Variants in SEC24D observed in about 807,000 individuals in gnomAD.
SEC24D encodes the protein SEC24 homolog D, COPII component.
Under a neutral mutation model 116.9 loss-of-function variants are expected in SEC24D, and 69 were observed. That is an observed-to-expected ratio of 0.59 (90% CI 0.49 to 0.72). The LOEUF (loss-of-function observed/expected upper bound fraction) is 0.72, where lower values mean the gene tolerates loss of function less well. Ranked by LOEUF, SEC24D falls within the 30% of genes least tolerant of loss-of-function variation. The pLI is 0.00. For missense variants in SEC24D, 1,131 were observed against 1,264.1 expected, an observed-to-expected ratio of 0.89 and a Z score of 1.60; for synonymous variants, 405 against 442.8, an observed-to-expected ratio of 0.91 and a Z score of 1.07.
At chr4:118,735,767 C>T (rs1043945952) in intron 19 of SEC24D, 1 of 150,558 alleles carries the variant, frequency 6.6e-6, no homozygotes, top group Non-Finnish European at 1.5e-5. Context: ...AATCATAGCT[C>T]GCTGCATCCT....
chr4:118,763,378 T>A (rs1038913555), intron 10 of SEC24D, among the ~76,000 whole-genome samples: 1 of 144,322 alleles, frequency 6.9e-6, no homozygotes, highest in African/African-American at 2.4e-5. Context: ...CTGAAAAAAA[T>A]TCTAGTTAGG....
intron 9 of SEC24D, chr4:118,766,952 G>C (rs1727670555): frequency 6.6e-6 from 1 of 152,252 alleles, no homozygotes; most frequent in Non-Finnish European, 1.5e-5. Context: ...CTTAGAAAGA[G>C]AAGTGAGGGT....
intron 8 of SEC24D, among the ~76,000 whole-genome samples, chr4:118,771,130 T>G (rs1464737258): frequency 1.3e-5 from 2 of 152,174 alleles, no homozygotes; most frequent in Non-Finnish European, 2.9e-5. Flanking sequence ...CATAAATAGC[T>G]AACCTTACTT....
At position 118,754,428 on chromosome 4, in the gene SEC24D, A is replaced by G. The variant is rs111543062; in HGVS notation, c.1422-1540T>C. Among the ~76,000 whole-genome samples, 69 of 152,250 alleles carry G rather than the reference A, an allele frequency of 4.5e-4. 1 individual carries two copies. The highest frequency in any genetic ancestry group is 1.6e-3 in the African/African-American group (65 of 41,560). ...CTGTGAAATCTCCCCGATGCTACCA[A>G]TTAGAAGTCATTTCCTCTTCTAAAC... On this transcript the variant is annotated intron_variant, in intron 11 of 22. Transcript: ENST00000280551.
At chr4:118,810,135 T>TGG (rs1729856492) in intron 6 of SEC24D, among the ~76,000 whole-genome samples, 1 of 113,574 alleles carries the variant, frequency 8.8e-6, no homozygotes, top group Non-Finnish European at 2.0e-5. Flanking sequence ...TGTGTGTGTG[T>TGG]GTCAGAGGGT....
intron 9 of SEC24D, among the ~76,000 whole-genome samples, chr4:118,767,753 T>C (rs1727706588): frequency 6.6e-6 from 1 of 152,182 alleles, no homozygotes; most frequent in African/African-American, 2.4e-5. Context: ...TTAAAGCCCT[T>C]GGTTATACCT....
chr4:118,782,725 G>T (rs571646254), intron 8 of SEC24D, among the ~76,000 whole-genome samples: 2 of 152,258 alleles, frequency 1.3e-5, no homozygotes, highest in African/African-American at 4.8e-5. Flanking sequence ...AACAGAGGCA[G>T]CAGGCCTTGC....
intron 8 of SEC24D, among the ~76,000 whole-genome samples, chr4:118,779,570 T>C (rs1728303623): frequency 1.3e-5 from 2 of 152,250 alleles, no homozygotes; most frequent in Non-Finnish European, 2.9e-5. Flanking sequence ...TTCTCTTTTT[T>C]TGTTGTGTCT....
At chr4:118,741,458 G>A (rs1383878280) in intron 15 of SEC24D, among the ~76,000 whole-genome samples, 1 of 152,170 alleles carries the variant, frequency 6.6e-6, no homozygotes, top group Non-Finnish European at 1.5e-5. Context: ...CTATGTCAGG[G>A]AAAGTAGAAA....
chr4:118,775,140 T>C (rs1433214250), intron 8 of SEC24D, among the ~76,000 whole-genome samples: 1 of 152,102 alleles, frequency 6.6e-6, no homozygotes, highest in African/African-American at 2.4e-5. Context: ...CTGAAAGCAC[T>C]TATCACACTA....
Position 118,739,295 on chromosome 4 carries a change from A to C in SEC24D, c.2239-8T>G. 6.2e-7 allele frequency: 1 copy of C among 1,607,864 alleles called. No homozygotes were observed. The highest frequency in any genetic ancestry group is 1.1e-5 in the South Asian group (1 of 90,264). On this transcript the variant is annotated splice_region_variant and splice_polypyrimidine_tract_variant and intron_variant, in intron 17 of 22. Coordinates refer to ENST00000280551, the MANE Select transcript of SEC24D (RefSeq NM_014822.4). ...CGTGTAAAGCACAGCACACTGTAGA[A>C]GCAACATTGAGGTCACATGTTTTTC...
At chr4:118,728,500 T>C in intron 22 of SEC24D, 61 bp downstream of exon 22, 1 of 987,894 alleles carries the variant, frequency 1.0e-6, no homozygotes. Context: ...GGTGTGCATG[T>C]TAAGTCTTTA....
At chr4:118,749,572 C>A (rs912694188) in intron 13 of SEC24D, among the ~76,000 whole-genome samples, 3 of 152,202 alleles carry the variant, frequency 2.0e-5, no homozygotes, top group Non-Finnish European at 4.4e-5. Flanking sequence ...ATGAGACTCT[C>A]ATCTCTGGTC....
chr4:118,808,727 G>T (rs866910203), intron 6 of SEC24D, among the ~76,000 whole-genome samples: 9 of 152,062 alleles, frequency 5.9e-5, no homozygotes, highest in African/African-American at 2.2e-4. Flanking sequence ...TACTTCAAAA[G>T]GTATAGATTT....
intron 11 of SEC24D, among the ~76,000 whole-genome samples, chr4:118,756,687 G>A (rs903703226): frequency 2.0e-5 from 3 of 152,094 alleles, no homozygotes; most frequent in African/African-American, 7.2e-5. Context: ...GTAGGGACTA[G>A]GTTACAGACA....
intron 2 of SEC24D, among the ~76,000 whole-genome samples, chr4:118,827,452 A>T (rs1730634448): frequency 6.6e-6 from 1 of 152,200 alleles, no homozygotes; most frequent in South Asian, 2.1e-4. Flanking sequence ...CACCAAAAAA[A>T]ATCTAAGATC....
At chr4:118,792,067 T>C (rs1728938986) in intron 8 of SEC24D, among the ~76,000 whole-genome samples, 1 of 151,150 alleles carries the variant, frequency 6.6e-6, no homozygotes, top group African/African-American at 2.4e-5. Flanking sequence ...CCGCCCATCA[T>C]CTGGGATGTG....
At chr4:118,761,117 T>A (rs576336996) in intron 10 of SEC24D, among the ~76,000 whole-genome samples, 1 of 152,232 alleles carries the variant, frequency 6.6e-6, no homozygotes, top group African/African-American at 2.4e-5. Flanking sequence ...GCCTCTAATC[T>A]CTCCTCTCAT....
At chr4:118,749,149 A>G (rs1258967671) in intron 13 of SEC24D, among the ~76,000 whole-genome samples, 6 of 152,190 alleles carry the variant, frequency 3.9e-5, no homozygotes, top group African/African-American at 1.4e-4. Context: ...TATGAAGGTC[A>G]GATTTTGAAA....
Sources: allele counts gnomAD v4.1 joint callset (sites outside exome capture counted in the v4.1 genomes callset), GRCh38; gene constraint gnomAD v4.1.1; transcripts MANE v1.5; gene names NCBI Gene and HGNC (gene_info 2026-07-23, HGNC 2026-07-21).